The following TTF2 variants were observed in gnomAD, a reference collection of about 807,000 sequenced individuals.
TTF2 encodes the protein transcription termination factor 2.
A neutral mutation model predicts 142.4 loss-of-function variants in TTF2; 108 were observed. The ratio of observed to expected loss-of-function variants is 0.76; its 90% CI spans 0.65 to 0.89. The LOEUF is 0.89. TTF2 is among the 40% of genes least tolerant of loss of function. The pLI, the probability that TTF2 is intolerant of heterozygous loss-of-function variation, is 0.00. For missense variants in TTF2, 1,327 were observed against 1,379.8 expected, an observed-to-expected ratio of 0.96 and a Z score of 0.61; for synonymous variants, 483 against 506.2, an observed-to-expected ratio of 0.95 and a Z score of 0.61.
intron 7 of TTF2, 89 bp from the exon 8 acceptor site, chr1:117,077,827 A>G (rs1412231974): frequency 7.1e-6 from 11 of 1,540,132 alleles, no homozygotes; most frequent in Admixed American, 5.1e-5. Context: ...TAAGAAACAG[A>G]TACAGGGCCA....
At position 117,103,851 on chromosome 1, in the gene TTF2, G is replaced by GAT. The variant is rs1300476922; in HGVS notation, c.*2329_*2330dup. The GAT allele has an allele frequency of 6.6e-6, 1 of 151,842 alleles. No homozygotes were observed. The highest frequency in any genetic ancestry group is 1.9e-4 in the East Asian group (1 of 5,136). 9.4% of individuals were successfully genotyped at this position (151,842 alleles called of 1,614,324 possible). A position where few individuals can be genotyped will look rare whatever the true frequency, so the allele number is the denominator to read the frequency against. On this transcript the variant is annotated 3_prime_UTR_variant, in exon 23 of 23. Coordinates refer to ENST00000369466, the MANE Select transcript of TTF2 (RefSeq NM_003594.4). ...GCCTGTAGTCCCAGCTACTGGGGAG[G>GAT]ATAAGGCAGGAGAATCGCTTGAACC...
rs780162103 is a variant in TTF2, at chr1:117,076,189, G to T, written c.1285G>T (p.Ala429Ser). ...TQLKQKKSTL[A>S]SVNIQALPDK... ...GGAATCTGTTTTTCAGAGCACACTG[G>T]CATCAGTGAACATCCAGGCTCTTCC... Residue 429 changes from alanine to serine, a missense_variant, in exon 6 of 23, where the codon GCA (alanine) becomes TCA (serine). By Grantham distance (99) the Ala-to-Ser change is moderately conservative. Transcript: ENST00000369466. This position sits in a 1 kb window ranked among gnomAD's most constrained non-coding sequence, Gnocchi z 4.6. 2.2e-5 allele frequency: 35 copies of T among 1,613,654 alleles called. No individual in the cohort carries two copies. In the South Asian group the frequency reaches 3.6e-4, roughly 17 times the overall value.
Position 117,107,304 on chromosome 1 carries a change from G to GTT in TTF2, c.*5781_*5782dup, listed in dbSNP as rs1650016773. The GTT allele has an allele frequency of 6.6e-6, 1 of 152,164 alleles. No homozygotes were observed. Among genetic ancestry groups the GTT allele is most frequent in the African/African-American group, 2.4e-5 (1 of 41,430 alleles). 9.4% of individuals were successfully genotyped at this position (152,164 alleles called of 1,614,324 possible). A position where few individuals can be genotyped will look rare whatever the true frequency, so the allele number is the denominator to read the frequency against. On this transcript the variant is annotated 3_prime_UTR_variant, in exon 23 of 23. Transcript: ENST00000369466. ...AACTTTAAATATTTGTAACAGAATT[G>GTT]TTACCATTAATATTGCTTAAAGGCT...
rs1648114440 is a variant in TTF2 at position 117,087,429 on chromosome 1, T to A, written c.2160+907T>A. ...GCCTCAGCTTCCCAAGTAGCTGGGATAACAGGTGCCCGCCACTATGCTCGG... is the reference window on the plus strand; with the variant it reads ...GCCTCAGCTTCCCAAGTAGCTGGGAAAACAGGTGCCCGCCACTATGCTCGG... On this transcript the variant is annotated intron_variant, in intron 12 of 22. Coordinates refer to ENST00000369466, the MANE Select transcript of TTF2 (RefSeq NM_003594.4). This position sits in a 1 kb window ranked among gnomAD's most constrained non-coding sequence, Gnocchi z 4.8. Among the ~76,000 whole-genome samples, 1 of 152,132 alleles carries A rather than the reference T, an allele frequency of 6.6e-6. No homozygotes were observed. Among genetic ancestry groups the A allele is most frequent in the Non-Finnish European group, 1.5e-5 (1 of 68,002 alleles).
At chr1:117,077,008 C>G (rs529574232) in intron 7 of TTF2, among the ~76,000 whole-genome samples, 185 bp downstream of exon 7, 2 of 152,206 alleles carry the variant, frequency 1.3e-5, no homozygotes, top group East Asian at 1.9e-4. Flanking sequence ...ATTCACATAA[C>G]TTTTATTACA....
At position 117,092,976 on chromosome 1, in the gene TTF2, T is replaced by C. The variant is rs1178791528; in HGVS notation, c.2976+75T>C. On this transcript the variant is annotated intron_variant, in intron 18 of 22. Coordinates refer to ENST00000369466, the MANE Select transcript of TTF2 (RefSeq NM_003594.4). This position sits in a 1 kb window ranked among gnomAD's most constrained non-coding sequence, Gnocchi z 4.4. ...ATTTTCCTGTGTGACAGCACTTCAT[T>C]TGTCCAAGTGGGAACAGCCATTTGC... 4.5e-6 allele frequency: 7 copies of C among 1,554,840 alleles called. No homozygotes were observed. Among genetic ancestry groups the C allele is most frequent in the Admixed American group, 1.7e-5 (1 of 57,660 alleles).
chr1:117,077,506 G>A (rs965525978), intron 7 of TTF2, among the ~76,000 whole-genome samples: 1 of 152,178 alleles, frequency 6.6e-6, no homozygotes, highest in African/African-American at 2.4e-5. Context: ...GTGTAAGTGT[G>A]TGTAAGACTG....
At chr1:117,081,696 G>A in intron 9 of TTF2, 132 bp from the exon 10 acceptor site, 1 of 1,097,594 alleles carries the variant, frequency 9.1e-7, no homozygotes, top group Non-Finnish European at 1.3e-6. Context: ...ATTAAGGTAG[G>A]CACAGAGTAG....
rs962294485 is a variant in TTF2, at chr1:117,087,141, T to C, written c.2160+619T>C. 6.6e-6 allele frequency among the ~76,000 whole-genome samples: 1 copy of C among 152,222 alleles called. No individual in the cohort carries two copies. The highest frequency in any genetic ancestry group is 1.5e-5 in the Non-Finnish European group (1 of 68,044). On this transcript the variant is annotated intron_variant, in intron 12 of 22. Transcript: ENST00000369466. This position sits in a 1 kb window ranked among gnomAD's most constrained non-coding sequence, Gnocchi z 4.8. ...GTTATCCTTTTAGCCCAACGGGATA[T>C]TCACAGGTTTCTGTATTTGGAGAGA...
chr1:117,083,241 CAAAAAAAAA>C (rs937586299), intron 10 of TTF2, among the ~76,000 whole-genome samples: 2 of 53,304 alleles, frequency 3.8e-5, no homozygotes, highest in African/African-American at 1.3e-4. Flanking sequence ...GACTCCGTCT[CAAAAAAAAA>C]AAAAAAAAAA....
rs1649442224 is a variant in TTF2, at chr1:117,099,852, C to T, written c.3344+945C>T. The stretch of plus-strand genomic sequence containing the variant: ...CTTGTTAAGGGGCACCAATGACTTC[C>T]AGACTTTGCTAAATATAGTGATTAT... On this transcript the variant is annotated intron_variant, in intron 22 of 22. Coordinates refer to ENST00000369466, the MANE Select transcript of TTF2 (RefSeq NM_003594.4). This position sits in a 1 kb window ranked among gnomAD's most constrained non-coding sequence, Gnocchi z 4.3. 1.3e-5 allele frequency among the ~76,000 whole-genome samples: 2 copies of T among 152,198 alleles called. No homozygotes were observed. The highest frequency in any genetic ancestry group is 2.1e-4 in the South Asian group (1 of 4,828).
At chr1:117,061,584 G>A (rs73006010) in intron 2 of TTF2, among the ~76,000 whole-genome samples, 2,675 of 152,264 alleles carry the variant, frequency 0.018, 77 homozygotes, top group African/African-American at 0.061. Context: ...TGAGTTAGAT[G>A]ATTTACACTG....
rs756461254 is a variant in TTF2 at position 117,076,181 on chromosome 1, G to A, written c.1277G>A (p.Ser426Asn). ...YLTTQLKQKKSTLASVNIQAL... is the reference protein window; with the variant it reads ...YLTTQLKQKKNTLASVNIQAL... Reference sequence around the variant, plus strand: ...CATTTGATGGAATCTGTTTTTCAGAGCACACTGGCATCAGTGAACATCCAG... The same window carrying A: ...CATTTGATGGAATCTGTTTTTCAGAACACACTGGCATCAGTGAACATCCAG... Residue 426 changes from serine to asparagine, a missense_variant and splice_region_variant, in exon 6 of 23, where the codon AGC becomes AAC. Ser to Asn is a conservative substitution (Grantham distance 46). Transcript: ENST00000369466. This position sits in a 1 kb window ranked among gnomAD's most constrained non-coding sequence, Gnocchi z 4.6. 1 of 1,613,370 alleles carries A rather than the reference G, an allele frequency of 6.2e-7. No individual in the cohort carries two copies. The highest frequency in any genetic ancestry group is 8.5e-7 in the Non-Finnish European group (1 of 1,179,554).
In TTF2 at chr1:117,097,476, G is replaced by A. The variant is rs1169302746; in HGVS notation, c.3269+43G>A. The stretch of plus-strand genomic sequence containing the variant: ...GTCCTGGGTTGTCACAGCACATCAA[G>A]GAGGCCAGTGGGCTACAGGGGCAGC... On this transcript the variant is annotated intron_variant, in intron 21 of 22. Transcript: ENST00000369466. The surrounding 1 kb of genome is among the most constrained non-coding windows in gnomAD (Gnocchi z 4.1). 4 of 1,576,464 alleles carry A rather than the reference G, an allele frequency of 2.5e-6. No homozygotes were observed. Among genetic ancestry groups the A allele is most frequent in the Non-Finnish European group, 1.7e-6 (2 of 1,145,558 alleles).
chr1:117,080,194 A>G lies in TTF2; in HGVS notation c.1783+545A>G, dbSNP rs1647374459. Among the ~76,000 whole-genome samples the G allele has an allele frequency of 6.6e-6, 1 of 151,950 alleles. No individual in the cohort carries two copies. The highest frequency in any genetic ancestry group is 2.4e-5 in the African/African-American group (1 of 41,360). The stretch of plus-strand genomic sequence containing the variant: ...CTGGCTAATTTTTTGTATTTTTAGT[A>G]GAGATGGGGTTTCGCCATGTTGGAC... On this transcript the variant is annotated intron_variant, in intron 9 of 22. Transcript: ENST00000369466. This position sits in a 1 kb window ranked among gnomAD's most constrained non-coding sequence, Gnocchi z 4.3.
chr1:117,098,233 A>G (rs910328537), intron 21 of TTF2: 3 of 151,864 alleles, frequency 2.0e-5, no homozygotes, highest in African/African-American at 7.3e-5. Context: ...CCAAGATTTT[A>G]AAGAGGTAAG....
At chr1:117,074,617 A>G (rs1439937195) in intron 4 of TTF2, among the ~76,000 whole-genome samples, 1 of 151,970 alleles carries the variant, frequency 6.6e-6, no homozygotes, top group Non-Finnish European at 1.5e-5. Context: ...TCTCACGAGC[A>G]GGAGCTAAAC....
In TTF2 at chr1:117,090,755, T is replaced by A. The variant is rs1483726776; in HGVS notation, c.2588+132T>A. The A allele has an allele frequency of 6.5e-6, 5 of 771,440 alleles. No homozygotes were observed. The Admixed American group carries it at 8.8e-5, about 14-fold the overall frequency. 47.8% of individuals were successfully genotyped at this position (771,440 alleles called of 1,614,324 possible). The stretch of plus-strand genomic sequence containing the variant: ...TAGTTGGATGTCTGTATTCCCTTTT[T>A]TTTTTTACCCCATTTTTCTCCTTCT... On this transcript the variant is annotated intron_variant, in intron 15 of 22. Coordinates refer to ENST00000369466, the MANE Select transcript of TTF2 (RefSeq NM_003594.4). This position sits in a 1 kb window ranked among gnomAD's most constrained non-coding sequence, Gnocchi z 4.8.
In TTF2 at chr1:117,079,699, T is replaced by C. The variant is rs1647324939; in HGVS notation, c.1783+50T>C. ...GCCTTTATTGAATGCTTAGGCATTG[T>C]GCTAAACACGTAGTGTTGTTTCATT... On this transcript the variant is annotated intron_variant, in intron 9 of 22. Coordinates refer to ENST00000369466, the MANE Select transcript of TTF2 (RefSeq NM_003594.4). This position sits in a 1 kb window ranked among gnomAD's most constrained non-coding sequence, Gnocchi z 4.2. 2.6e-6 allele frequency: 4 copies of C among 1,534,310 alleles called. No homozygotes were observed. In the Middle Eastern group the frequency reaches 5.1e-4, roughly 194 times the overall value.
Sources: gnomAD v4.1 joint callset for allele counts (sites outside exome capture counted in the v4.1 genomes callset) on GRCh38, gnomAD v4.1.1 for gene constraint, Gnocchi (gnomAD v3.1) non-coding constraint, MANE v1.5 for transcripts, NCBI Gene and HGNC (gene_info 2026-07-23, HGNC 2026-07-21) for gene names.